EBF1: variants seen among roughly 807,000 people sequenced by gnomAD.
The protein encoded by EBF1 is EBF transcription factor 1, also known as transcription factor COE1.
EBF1 carries 10 observed loss-of-function variants against 68.4 expected under a neutral mutation model. That is an observed-to-expected ratio of 0.15 (90% CI 0.09 to 0.25). The LOEUF is 0.25. EBF1 is among the 10% of genes least tolerant of loss of function. EBF1 has a pLI of 1.00. For missense variants in EBF1, 509 were observed against 794.4 expected, an observed-to-expected ratio of 0.64 and a Z score of 4.32; for synonymous variants, 298 against 299.8, an observed-to-expected ratio of 0.99 and a Z score of 0.06.
At chr5:158,900,316 C>A (rs762349917) in intron 6 of EBF1, among the ~76,000 whole-genome samples, 1 of 152,148 alleles carries the variant, frequency 6.6e-6, no homozygotes, top group Non-Finnish European at 1.5e-5. Flanking sequence ...GGGTGCAAAA[C>A]AAATTATACT....
chr5:158,726,466 CA>C (rs980809500), intron 11 of EBF1, among the ~76,000 whole-genome samples: 4 of 152,124 alleles, frequency 2.6e-5, no homozygotes, highest in Admixed American at 1.3e-4. Context: ...TATCAAGGCT[CA>C]GGGGTATAGG....
intron 6 of EBF1, among the ~76,000 whole-genome samples, chr5:158,864,708 GGAGAA>G (rs1249742575): frequency 6.6e-6 from 1 of 152,204 alleles, no homozygotes; most frequent in African/African-American, 2.4e-5. Flanking sequence ...CCTAGAAAGG[GGAGAA>G]GAGAAGATCT....
chr5:158,926,666 G>C (rs1417519444), intron 6 of EBF1, among the ~76,000 whole-genome samples: 1 of 151,230 alleles, frequency 6.6e-6, no homozygotes, highest in Non-Finnish European at 1.5e-5. Flanking sequence ...AGAGGTGGCA[G>C]TGAGCCAAGA....
intron 6 of EBF1, among the ~76,000 whole-genome samples, chr5:158,881,160 A>C (rs2128088869): frequency 6.6e-6 from 1 of 152,354 alleles, no homozygotes; most frequent in East Asian, 1.9e-4. Flanking sequence ...CAAAACGGTA[A>C]TTGATAGCAG....
chr5:158,947,488 C>T (rs766043275), intron 6 of EBF1, among the ~76,000 whole-genome samples: 16 of 152,190 alleles, frequency 1.1e-4, no homozygotes, highest in South Asian at 2.1e-4. Flanking sequence ...GGCAGCGCCC[C>T]GTCCTGCTTC....
chr5:158,866,341 G>A (rs1256072996), intron 6 of EBF1, among the ~76,000 whole-genome samples: 1 of 152,146 alleles, frequency 6.6e-6, no homozygotes, highest in African/African-American at 2.4e-5. Flanking sequence ...AGAAAGTCAA[G>A]GCTGGCATCT....
At chr5:158,736,464 T>C (rs1334539652) in intron 10 of EBF1, among the ~76,000 whole-genome samples, 2 of 152,228 alleles carry the variant, frequency 1.3e-5, no homozygotes, top group Admixed American at 6.5e-5. Flanking sequence ...AATGGTTGTG[T>C]GACATGATGT....
intron 6 of EBF1, among the ~76,000 whole-genome samples, chr5:159,045,872 C>T (rs543990306): frequency 4.0e-4 from 61 of 152,162 alleles, no homozygotes; most frequent in Non-Finnish European, 7.2e-4. Flanking sequence ...ATCTTCCCAC[C>T]ACAAAAAGGA....
At chr5:159,080,885 G>T (rs1013410455) in intron 5 of EBF1, among the ~76,000 whole-genome samples, 3 of 152,230 alleles carry the variant, frequency 2.0e-5, no homozygotes, top group African/African-American at 7.2e-5. Context: ...TTACAAATGT[G>T]CTGAGTGCTA....
intron 4 of EBF1, among the ~76,000 whole-genome samples, chr5:159,091,229 C>A (rs2127996368): frequency 6.6e-6 from 1 of 152,298 alleles, no homozygotes; most frequent in South Asian, 2.1e-4. Context: ...CAGGAGGGAG[C>A]AGTTGGCCCG....
chr5:159,057,963 C>G (rs183929902), intron 6 of EBF1, among the ~76,000 whole-genome samples: 3 of 152,154 alleles, frequency 2.0e-5, no homozygotes, highest in African/African-American at 7.2e-5. Context: ...GTCATTCCCT[C>G]GAAGAGGTAT....
At chr5:158,920,690 C>A (rs1306793765) in intron 6 of EBF1, among the ~76,000 whole-genome samples, 1 of 152,180 alleles carries the variant, frequency 6.6e-6, no homozygotes, top group East Asian at 1.9e-4. Context: ...ATGATCCTCC[C>A]TTCTCAGCCT....
intron 10 of EBF1, among the ~76,000 whole-genome samples, chr5:158,763,083 A>G (rs1771846838): frequency 6.6e-6 from 1 of 152,116 alleles, no homozygotes; most frequent in Admixed American, 6.5e-5. Flanking sequence ...TTGGCCCTTA[A>G]TGATTTGCCT....
chr5:159,017,518 C>T (rs1433732631), intron 6 of EBF1, among the ~76,000 whole-genome samples: 2 of 152,220 alleles, frequency 1.3e-5, no homozygotes, highest in Non-Finnish European at 2.9e-5. Context: ...CTTACATTTC[C>T]TGCCTGGACA....
intron 10 of EBF1, among the ~76,000 whole-genome samples, chr5:158,760,225 C>T (rs1771105914): frequency 6.6e-6 from 1 of 152,172 alleles, no homozygotes; most frequent in Non-Finnish European, 1.5e-5. Context: ...CATCATAGTC[C>T]TGCTGAGTCC....
rs145026259 is a variant in EBF1, at chr5:158,758,059, G to T, written c.1036+19354C>A. On this transcript the variant is annotated intron_variant, in intron 10 of 15. Coordinates refer to ENST00000313708, the MANE Select transcript of EBF1 (RefSeq NM_024007.5). ...TCTTCATGTGCACCTTTTATCATGT[G>T]CCAAGTACTTTACTCGTATTATTTC... 5.3e-5 allele frequency among the ~76,000 whole-genome samples: 8 copies of T among 152,260 alleles called. No individual in the cohort carries two copies. In the East Asian group the frequency reaches 1.5e-3, roughly 29 times the overall value.
At position 158,977,885 on chromosome 5, in the gene EBF1, C is replaced by A. The variant is rs139872713; in HGVS notation, c.554+95511G>T. ...GAGGGAGGAGAGAGAAAGAGACATA[C>A]ACACACACAAAGGCTAAAGGAAGGG... is the stretch of plus-strand genomic sequence containing the variant. On this transcript the variant is annotated intron_variant, in intron 6 of 15. Coordinates refer to ENST00000313708, the MANE Select transcript of EBF1 (RefSeq NM_024007.5). 1.8e-3 allele frequency among the ~76,000 whole-genome samples: 281 copies of A among 152,238 alleles called. 1 individual carries two copies. Among genetic ancestry groups the A allele is most frequent in the Non-Finnish European group, 3.3e-3 (224 of 68,014 alleles).
chr5:158,983,133 G>A (rs1758237103), intron 6 of EBF1: 1 of 152,108 alleles, frequency 6.6e-6, no homozygotes, highest in Admixed American at 6.5e-5. Context: ...TCAAATTACT[G>A]TGATGGCCCA....
At chr5:158,781,467 T>C (rs1167826077) in intron 9 of EBF1, among the ~76,000 whole-genome samples, 1 of 152,186 alleles carries the variant, frequency 6.6e-6, no homozygotes, top group Non-Finnish European at 1.5e-5. Context: ...TTGATCTCTT[T>C]GGCTAAGCAT....
Sources: allele counts gnomAD v4.1 joint callset (sites outside exome capture counted in the v4.1 genomes callset), GRCh38; gene constraint gnomAD v4.1.1; transcripts MANE v1.5; gene names NCBI Gene and HGNC (gene_info 2026-07-23, HGNC 2026-07-21).